EYA2: variants seen among roughly 807,000 people sequenced by gnomAD.
EYA2 encodes EYA transcriptional coactivator and phosphatase 2, also known as protein phosphatase EYA2.
In EYA2, 31 loss-of-function variants were observed where a neutral mutation model predicts 69.2. The ratio of observed to expected loss-of-function variants is 0.45; its 90% CI spans 0.34 to 0.60. The LOEUF (loss-of-function observed/expected upper bound fraction) is 0.60, where lower values mean the gene tolerates loss of function less well. EYA2 is among the 20% of genes least tolerant of loss of function. EYA2 has a pLI of 0.02. For synonymous variants in EYA2, 257 were observed against 279.4 expected (o/e 0.92, Z 0.80); for missense variants, 622 against 701.2 (o/e 0.89, Z 1.28).
chr20:47,062,514 A>G (rs2030930868), intron 5 of EYA2, among the ~76,000 whole-genome samples: 1 of 152,162 alleles, frequency 6.6e-6, no homozygotes, highest in African/African-American at 2.4e-5. Context: ...TGCAGAAAAC[A>G]TGTTCGCTTC....
chr20:47,180,353 T>C (rs2034515212), intron 13 of EYA2, among the ~76,000 whole-genome samples: 1 of 152,194 alleles, frequency 6.6e-6, no homozygotes, highest in South Asian at 2.1e-4. Flanking sequence ...AAAGCTTAAG[T>C]GCACAAGGCT....
chr20:46,931,582 CAGAT>C (rs1985670406), intron 1 of EYA2, among the ~76,000 whole-genome samples: 1 of 152,140 alleles, frequency 6.6e-6, no homozygotes. Flanking sequence ...CAGTGCCTGG[CAGAT>C]AGAGACTCAG....
rs182648726 is a variant in EYA2 at position 46,900,931 on chromosome 20, C to T, written c.-11+5944C>T. On this transcript the variant is annotated intron_variant, in intron 1 of 15. Coordinates refer to ENST00000327619, the MANE Select transcript of EYA2 (RefSeq NM_005244.5). ...CCAAACCAACATGTATTAGGTCATGCGCTTGAAGTGCATAAATAAGCCCTA... is the reference window on the plus strand; with the variant it reads ...CCAAACCAACATGTATTAGGTCATGTGCTTGAAGTGCATAAATAAGCCCTA... 7.9e-4 allele frequency among the ~76,000 whole-genome samples: 120 copies of T among 152,280 alleles called. 1 individual carries two copies. Among genetic ancestry groups the T allele is most frequent in the African/African-American group, 2.7e-3 (114 of 41,546 alleles).
intron 9 of EYA2, among the ~76,000 whole-genome samples, chr20:47,124,482 A>G (rs751565402): frequency 1.3e-5 from 2 of 152,196 alleles, no homozygotes; most frequent in Non-Finnish European, 2.9e-5. Flanking sequence ...TAATAAGCAG[A>G]AAGCACGTGG....
intron 15 of EYA2, among the ~76,000 whole-genome samples, chr20:47,184,969 A>G (rs1892117664): frequency 6.6e-6 from 1 of 152,198 alleles, no homozygotes; most frequent in Admixed American, 6.5e-5. Context: ...TGTCTGAGGC[A>G]GAAGCCTCAG....
intron 5 of EYA2, among the ~76,000 whole-genome samples, chr20:47,023,577 C>T (rs1256862650): frequency 2.0e-5 from 3 of 150,828 alleles, no homozygotes; most frequent in African/African-American, 7.3e-5. Flanking sequence ...TAATTACATC[C>T]ATGTCATTTT....
At chr20:46,955,851 T>C (rs992693822) in intron 1 of EYA2, among the ~76,000 whole-genome samples, 1 of 152,238 alleles carries the variant, frequency 6.6e-6, no homozygotes, top group Non-Finnish European at 1.5e-5. Flanking sequence ...TGGCAAACTT[T>C]TTCTGTAAAG....
chr20:47,102,377 G>A (rs1223175754), intron 9 of EYA2, among the ~76,000 whole-genome samples: 1 of 152,200 alleles, frequency 6.6e-6, no homozygotes, highest in Non-Finnish European at 1.5e-5. Context: ...GTCCCCCAAA[G>A]GAAACTGGAG....
At chr20:46,913,189 T>A (rs1984737270) in intron 1 of EYA2, among the ~76,000 whole-genome samples, 1 of 152,226 alleles carries the variant, frequency 6.6e-6, no homozygotes, top group South Asian at 2.1e-4. Context: ...AACAATTGTT[T>A]CTTGCAGGCT....
chr20:47,125,157 C>G (rs1379190833), intron 9 of EYA2, among the ~76,000 whole-genome samples: 1 of 150,894 alleles, frequency 6.6e-6, no homozygotes, highest in African/African-American at 2.4e-5. Context: ...GGGTTCACGC[C>G]ATTCTCCTGC....
At chr20:47,065,174 C>T (rs560728985) in intron 5 of EYA2, among the ~76,000 whole-genome samples, 6 of 152,226 alleles carry the variant, frequency 3.9e-5, no homozygotes, top group Non-Finnish European at 7.4e-5. Flanking sequence ...TCCCATGACA[C>T]GTGGGAATTA....
At chr20:47,135,851 AAAC>A (rs1320736998) in intron 9 of EYA2, among the ~76,000 whole-genome samples, 5,472 of 70,574 alleles carry the variant, frequency 0.078, 107 homozygotes, top group Middle Eastern at 0.13. Flanking sequence ...ACAAACAAAC[AAAC>A]AAAAAACTAA....
At chr20:47,162,621 T>C (rs377604274) in intron 10 of EYA2, among the ~76,000 whole-genome samples, 269 of 148,816 alleles carry the variant, frequency 1.8e-3, no homozygotes, top group African/African-American at 6.3e-3. Context: ...CAGGCTTAGG[T>C]GATCCTCCCA....
chr20:47,146,230 C>T (rs1289641080), intron 10 of EYA2, among the ~76,000 whole-genome samples: 1 of 152,118 alleles, frequency 6.6e-6, no homozygotes, highest in East Asian at 1.9e-4. Flanking sequence ...TCTGAGACAC[C>T]CTGGTGAAGA....
chr20:47,069,193 G>C (rs928240694), intron 5 of EYA2, among the ~76,000 whole-genome samples: 4 of 152,082 alleles, frequency 2.6e-5, no homozygotes, highest in African/African-American at 9.7e-5. Flanking sequence ...TATACTACCT[G>C]GTTTCAAAAC....
chr20:46,919,361 G>A (rs189905161), intron 1 of EYA2, among the ~76,000 whole-genome samples: 3 of 152,324 alleles, frequency 2.0e-5, no homozygotes, highest in Non-Finnish European at 4.4e-5. Context: ...AGAATATATT[G>A]CTTAGTGTAG....
intron 10 of EYA2, among the ~76,000 whole-genome samples, chr20:47,152,501 T>C (rs2033842130): frequency 6.6e-6 from 1 of 150,950 alleles, no homozygotes; most frequent in African/African-American, 2.4e-5. Flanking sequence ...CTTGGATGGA[T>C]AGGGGGGCGC....
chr20:46,961,316 ACT>A (rs1173912172), intron 1 of EYA2, among the ~76,000 whole-genome samples: 1 of 152,144 alleles, frequency 6.6e-6, no homozygotes, highest in African/African-American at 2.4e-5. Context: ...ACAGAGCGAG[ACT>A]CTGTCTCAAA....
intron 13 of EYA2, among the ~76,000 whole-genome samples, 181 bp from the exon 14 acceptor site, chr20:47,180,634 G>A (rs1463541824): frequency 6.6e-6 from 1 of 152,130 alleles, no homozygotes; most frequent in African/African-American, 2.4e-5. Flanking sequence ...ACTATGTCAG[G>A]CAGCTTCAGG....
Sources: allele counts gnomAD v4.1 joint callset (sites outside exome capture counted in the v4.1 genomes callset), GRCh38; gene constraint gnomAD v4.1.1; transcripts MANE v1.5; gene names NCBI Gene and HGNC (gene_info 2026-07-23, HGNC 2026-07-21).